PRSS36: variants seen among roughly 807,000 people sequenced by gnomAD.
The protein encoded by PRSS36 is polyserase-2.
PRSS36 carries 90 observed loss-of-function variants against 94.3 expected under a neutral mutation model. The observed-to-expected ratio is 0.95, with a 90% CI of 0.80 to 1.14. The LOEUF (loss-of-function observed/expected upper bound fraction) is 1.14. PRSS36 is among the 50% of genes most tolerant of loss of function. The probability of loss-of-function intolerance (pLI) is 0.00; values close to 1 mark genes in which losing one functional copy is unlikely to be tolerated. For missense variants in PRSS36, 1,158 were observed against 1,135.0 expected (o/e 1.02, Z -0.29); for synonymous variants, 500 against 489.6 (o/e 1.02, Z -0.28).
rs759557770 is a variant in PRSS36, at chr16:31,139,331, A to G, written c.2375T>C (p.Leu792Pro). The change falls in exon 15 of 15, where the codon CTG becomes CCG. Residue 792 changes from leucine (L) to proline (P), a missense_variant. Transcript: ENST00000268281. ...CTCTTCAGGACCAATGGCAGCAAAC[A>G]GCTCCCGGCTCCCTTGAACAGCCAT... ...VGMAVQGSRE[L>P]FAAIGPEEAW... is the part of the protein sequence containing the mutation. 4 of 1,614,172 alleles carry G rather than the reference A, an allele frequency of 2.5e-6. No homozygotes were observed. The Admixed American group carries it at 5.0e-5, about 20-fold the overall frequency.
Position 31,143,002 on chromosome 16 carries a change from T to C in PRSS36, c.1101-9A>G. ...TGTCGGAGCTGTTCGGGCTGCGGGA[T>C]GGGGGCCGAGGGACGTGGGCCGGAT... On this transcript the variant is annotated splice_polypyrimidine_tract_variant and intron_variant, in intron 8 of 14. Transcript: ENST00000268281. 4 of 1,381,884 alleles carry C rather than the reference T, an allele frequency of 2.9e-6. No individual in the cohort carries two copies. Among genetic ancestry groups the C allele is most frequent in the Non-Finnish European group, 1.9e-6 (2 of 1,072,162 alleles). The allele number at this position is 1,381,884 out of a possible 1,614,324, so 85.6% of individuals were successfully genotyped here.
intron 5 of PRSS36, among the ~76,000 whole-genome samples, chr16:31,146,625 G>A (rs972289167): frequency 1.3e-5 from 2 of 152,114 alleles, no homozygotes; most frequent in Admixed American, 6.6e-5. Context: ...AACAGCTTCA[G>A]GATCCAGAAA....
At chr16:31,140,017 C>G (rs2057657482) in intron 14 of PRSS36, among the ~76,000 whole-genome samples, 2 of 151,618 alleles carry the variant, frequency 1.3e-5, no homozygotes, top group South Asian at 4.2e-4. Flanking sequence ...CAGTGAAACC[C>G]CGTCTCTACT....
intron 4 of PRSS36, 122 bp downstream of exon 4, chr16:31,148,951 T>C: frequency 8.3e-7 from 1 of 1,199,046 alleles, no homozygotes; most frequent in Non-Finnish European, 1.2e-6. Context: ...GCACCTCGCT[T>C]TGGGGACAGC....
intron 5 of PRSS36, among the ~76,000 whole-genome samples, chr16:31,146,670 CCTT>C (rs1365446737): frequency 2.6e-5 from 4 of 152,152 alleles, no homozygotes; most frequent in Non-Finnish European, 5.9e-5. Context: ...AGACAGAACT[CCTT>C]CCCCAACTCA....
rs1285803816 is a variant in PRSS36 at position 31,142,970 on chromosome 16, G to A, written c.1124C>T (p.Pro375Leu). The A allele has an allele frequency of 2.1e-6, 3 of 1,421,406 alleles. No homozygotes were observed. The highest frequency in any genetic ancestry group is 1.5e-5 in the South Asian group (1 of 67,634). 88.0% of individuals were successfully genotyped at this position (1,421,406 alleles called of 1,614,324 possible). ...FLDPNSSDSPPRDLDAWRVLL... is the reference protein window; with the variant it reads ...FLDPNSSDSPLRDLDAWRVLL... ...CACGCGCCAGGCGTCGAGGTCGCGGGGTGGGCTGTCGGAGCTGTTCGGGCT... is the reference window on the plus strand; with the variant it reads ...CACGCGCCAGGCGTCGAGGTCGCGGAGTGGGCTGTCGGAGCTGTTCGGGCT... The change falls in exon 9 of 15, where the codon CCC becomes CTC. Residue 375 changes from proline (P) to leucine (L), a missense_variant. Coordinates refer to ENST00000268281, the MANE Select transcript of PRSS36 (RefSeq NM_173502.5).
intron 10 of PRSS36, among the ~76,000 whole-genome samples, chr16:31,142,199 C>A (rs531916151): frequency 6.6e-6 from 1 of 152,338 alleles, no homozygotes; most frequent in East Asian, 1.9e-4. Flanking sequence ...TCAGCTCCCT[C>A]CCAAAAGTTC....
chr16:31,146,970 G>A (rs1227733144), intron 5 of PRSS36, among the ~76,000 whole-genome samples: 1 of 152,066 alleles, frequency 6.6e-6, no homozygotes, highest in Admixed American at 6.6e-5. Flanking sequence ...CAACAAGAGT[G>A]AAACTCTGTC....
Position 31,139,164 on chromosome 16 carries a change from G to A in PRSS36, c.2542C>T (p.Leu848=). ...CAGCTCTGGATCAGGAGAGTCAGCA[G>A]GAGCAGGAAGTAGACTGCATGCGGG... ...GSPHAVYFLL[L]LTLLIQS Residue 848 remains leucine (L), a synonymous_variant, in exon 15 of 15, where the codon CTG becomes TTG. Coordinates refer to ENST00000268281, the MANE Select transcript of PRSS36 (RefSeq NM_173502.5). 6.3e-7 allele frequency: 1 copy of A among 1,580,716 alleles called. No homozygotes were observed. The highest frequency in any genetic ancestry group is 8.6e-7 in the Non-Finnish European group (1 of 1,160,548).
rs536425188 is a variant in PRSS36, at chr16:31,148,375, T to G, written c.553+20A>C. ...GCCCCACCTCCCCGAGGCCCTCCCC[T>G]CTTGTCCCGTCCCACTCACCTGCCT... is the stretch of plus-strand genomic sequence containing the variant. On this transcript the variant is annotated intron_variant, in intron 5 of 14. Transcript: ENST00000268281. The G allele has an allele frequency of 2.7e-5, 41 of 1,541,904 alleles. No homozygotes were observed. In the South Asian group the frequency reaches 4.4e-4, roughly 17 times the overall value.
rs1224195126 is a variant in PRSS36 at position 31,142,597 on chromosome 16, C to T, written c.1405G>A (p.Gly469Ser). The change falls in exon 10 of 15, where the codon GGC becomes AGC. Residue 469 changes from glycine to serine, a missense_variant. Physicochemically the swap from Gly to Ser is moderately conservative, Grantham distance 56. Coordinates refer to ENST00000268281, the MANE Select transcript of PRSS36 (RefSeq NM_173502.5). ...CCGTACAGGCAGTGGCACCACCAGC[C>T]GCCTAACAGCTCCGCCTCCAGCAGC... ...GALLEAELLG[G>S]WWCHCLYGRQ... 6.6e-6 allele frequency: 10 copies of T among 1,518,468 alleles called. No individual in the cohort carries two copies. The South Asian group carries it at 9.7e-5, about 15-fold the overall frequency. The allele number at this position is 1,518,468 out of a possible 1,614,324, so 94.1% of individuals were successfully genotyped here.
rs138987800 is a variant in PRSS36 at position 31,139,242 on chromosome 16, G to A, written c.2464C>T (p.Pro822Ser). 5.6e-5 allele frequency: 91 copies of A among 1,614,076 alleles called. No individual in the cohort carries two copies. The African/African-American group carries it at 1.1e-3, about 20-fold the overall frequency. ...GGGCAGAGATTGCTGCCTCCAGTGG[G>A]CCAGTGTGGGGAGCCACTGGGGGGC... ...FLPPSGSPHWPTGGSNLCPPE... is the reference protein window; with the variant it reads ...FLPPSGSPHWSTGGSNLCPPE... Residue 822 changes from proline to serine, a missense_variant, in exon 15 of 15, where the codon CCC becomes TCC. Coordinates refer to ENST00000268281, the MANE Select transcript of PRSS36 (RefSeq NM_173502.5).
rs746814248 is a variant in PRSS36, at chr16:31,143,776, GT to G, written c.781del (p.Thr261ProfsTer30). 37 of 1,614,008 alleles carry G rather than the reference GT, an allele frequency of 2.3e-5. No individual in the cohort carries two copies. The highest frequency in any genetic ancestry group is 8.5e-7 in the Non-Finnish European group (1 of 1,180,050). On this transcript the variant is annotated frameshift_variant, in exon 7 of 15. Transcript: ENST00000268281. LOFTEE classifies it high-confidence loss of function. ...EGGRWFQAGI[T>X]SFGFGCGRRN... ...CCGTCCACAGCCAAAGCCAAAGCTG[GT>G]GATTCCTGCCTGGAACCAGCGGCCG... is the stretch of plus-strand genomic sequence containing the variant.
At chr16:31,143,544 A>T (rs762759604) in intron 7 of PRSS36, 44 bp downstream of exon 7, 1 of 1,609,072 alleles carries the variant, frequency 6.2e-7, no homozygotes, top group South Asian at 1.1e-5. Flanking sequence ...ATCCCAACTC[A>T]CTCTCCCATG....
intron 12 of PRSS36, among the ~76,000 whole-genome samples, chr16:31,140,961 G>A (rs1407126706): frequency 1.3e-5 from 2 of 152,122 alleles, no homozygotes; most frequent in East Asian, 3.8e-4. Context: ...GTCTTGCTCT[G>A]TCGCTCCGAC....
In PRSS36 at chr16:31,150,029, G is replaced by A. The variant is rs371417465; in HGVS notation, c.7C>T (p.Arg3Trp). ...ATCACAAGGGGGAGGAGCAGGTGCC[G>A]GGCCATGGCGCTAGAGTCAGCGGAG... Reference protein sequence around the residue: MARHLLLPLVMLV... With the variant: MAWHLLLPLVMLV... The change falls in exon 1 of 15, where the codon CGG becomes TGG. Residue 3 changes from arginine to tryptophan, a missense_variant. Physicochemically the swap from Arg to Trp is moderately radical, Grantham distance 101. Coordinates refer to ENST00000268281, the MANE Select transcript of PRSS36 (RefSeq NM_173502.5). 1.7e-5 allele frequency: 28 copies of A among 1,613,754 alleles called. No homozygotes were observed. Among genetic ancestry groups the A allele is most frequent in the African/African-American group, 6.7e-5 (5 of 74,926 alleles).
Position 31,140,611 on chromosome 16 carries a change from A to T in PRSS36, c.2048T>A (p.Leu683Gln), listed in dbSNP as rs2057670477. ...HLGLRPPLAL[L>Q]ELSSRVEPSP... ...GGGCTCCACCCGGGAGCTCAGCTCCAGGAGGGCCAGGGGGGGCCTGAGTCC... is the reference window on the plus strand; with the variant it reads ...GGGCTCCACCCGGGAGCTCAGCTCCTGGAGGGCCAGGGGGGGCCTGAGTCC... The change falls in exon 13 of 15, where the codon CTG (leucine) becomes CAG (glutamine). Residue 683 changes from leucine (L) to glutamine (Q), a missense_variant. Coordinates refer to ENST00000268281, the MANE Select transcript of PRSS36 (RefSeq NM_173502.5). 1.2e-6 allele frequency: 2 copies of T among 1,611,238 alleles called. No homozygotes were observed. Among genetic ancestry groups the T allele is most frequent in the South Asian group, 2.2e-5 (2 of 90,776 alleles).
intron 1 of PRSS36, 60 bp downstream of exon 1, chr16:31,149,939 C>A (rs2057873002): frequency 3.4e-5 from 54 of 1,595,664 alleles, no homozygotes; most frequent in Non-Finnish European, 4.5e-5. Flanking sequence ...ATCCTGCTCT[C>A]CAGCCCCCCA....
At position 31,143,723 on chromosome 16, in the gene PRSS36, C is replaced by A; in HGVS notation, c.835G>T (p.Val279Leu). ...RRNRPGVFTA[V>L]ATYEAWIREQ... ...CGTATCCATGCCTCATAGGTAGCCA[C>A]AGCAGTGAAAACTCCAGGGCGGTTT... Residue 279 changes from valine (V) to leucine (L), a missense_variant, in exon 7 of 15, where the codon GTG (valine) becomes TTG (leucine). Val to Leu is a conservative substitution (Grantham distance 32, BLOSUM62 1). Coordinates refer to ENST00000268281, the MANE Select transcript of PRSS36 (RefSeq NM_173502.5). 1 of 1,614,156 alleles carries A rather than the reference C, an allele frequency of 6.2e-7. No individual in the cohort carries two copies. The highest frequency in any genetic ancestry group is 1.1e-5 in the South Asian group (1 of 91,088).
Sources: allele counts gnomAD v4.1 joint callset (sites outside exome capture counted in the v4.1 genomes callset), GRCh38; gene constraint gnomAD v4.1.1; transcripts MANE v1.5; gene names NCBI Gene and HGNC (gene_info 2026-07-23, HGNC 2026-07-21).